Variants in IMMP2L observed in about 807,000 individuals in gnomAD.
IMMP2L encodes mitochondrial inner membrane protease subunit 2.
IMMP2L carries 18 observed loss-of-function variants against 19.3 expected under a neutral mutation model. The observed-to-expected ratio is 0.93, with a 90% CI of 0.64 to 1.38. The LOEUF is 1.38. Ranked by LOEUF, IMMP2L falls within the 40% of genes most tolerant of loss-of-function variation. IMMP2L has a pLI of 0.00. For missense variants in IMMP2L, 233 were observed against 218.2 expected (o/e 1.07, Z -0.43); for synonymous variants, 76 against 73.0 (o/e 1.04, Z -0.21).
At chr7:110,746,770 T>C (rs1459244757) in intron 5 of IMMP2L, among the ~76,000 whole-genome samples, 2 of 152,138 alleles carry the variant, frequency 1.3e-5, no homozygotes, top group African/African-American at 2.4e-5. Context: ...GAGGGAAATT[T>C]ATAGCACTAA....
intron 3 of IMMP2L, among the ~76,000 whole-genome samples, chr7:111,025,799 C>G (rs994843856): frequency 1.3e-5 from 2 of 152,074 alleles, no homozygotes; most frequent in African/African-American, 4.8e-5. Context: ...GTATGAATAA[C>G]GAATCTCATT....
chr7:111,165,696 C>A (rs188902986), intron 3 of IMMP2L, among the ~76,000 whole-genome samples: 417 of 152,070 alleles, frequency 2.7e-3, no homozygotes, highest in Non-Finnish European at 5.3e-3. Context: ...AAGCCCTTGA[C>A]TGAAGCTGGG....
intron 5 of IMMP2L, among the ~76,000 whole-genome samples, chr7:110,849,955 A>G (rs1312887937): frequency 6.6e-6 from 1 of 152,096 alleles, no homozygotes; most frequent in Non-Finnish European, 1.5e-5. Context: ...GTCTTAGAGA[A>G]TGTTCATAAT....
At chr7:111,385,167 G>T (rs1831609919) in intron 3 of IMMP2L, among the ~76,000 whole-genome samples, 1 of 152,080 alleles carries the variant, frequency 6.6e-6, no homozygotes, top group South Asian at 2.1e-4. Flanking sequence ...TGGAGGTGGG[G>T]GGGCAAGGGT....
chr7:111,216,102 G>A (rs548918581), intron 3 of IMMP2L, among the ~76,000 whole-genome samples: 1 of 152,098 alleles, frequency 6.6e-6, no homozygotes, highest in South Asian at 2.1e-4. Context: ...ATTTGCCTTT[G>A]GATCATTCCA....
intron 3 of IMMP2L, among the ~76,000 whole-genome samples, chr7:111,386,180 C>T (rs1831734694): frequency 6.6e-6 from 1 of 152,012 alleles, no homozygotes; most frequent in African/African-American, 2.4e-5. Flanking sequence ...TCCCAGCCTG[C>T]TCCACATGAT....
At chr7:111,319,724 G>T (rs1318850581) in intron 3 of IMMP2L, among the ~76,000 whole-genome samples, 1 of 151,906 alleles carries the variant, frequency 6.6e-6, no homozygotes, top group African/African-American at 2.4e-5. Context: ...AGTTTTTTTA[G>T]AATGTTAGCA....
Position 110,718,604 on chromosome 7 carries a change from G to T in IMMP2L, c.409-54883C>A, listed in dbSNP as rs1258246223. Among the ~76,000 whole-genome samples, 3 of 152,190 alleles carry T rather than the reference G, an allele frequency of 2.0e-5. No homozygotes were observed. In the East Asian group the frequency reaches 5.8e-4, roughly 29 times the overall value. On this transcript the variant is annotated intron_variant, in intron 5 of 5. Transcript: ENST00000405709. ...GGGAGTTAAAAGCACTTGGAAGCTA[G>T]CCTGGGAGGAGGTTGGCAATCGTTT...
intron 3 of IMMP2L, among the ~76,000 whole-genome samples, chr7:111,284,136 C>T (rs569484147): frequency 2.0e-4 from 31 of 151,692 alleles, no homozygotes; most frequent in African/African-American, 5.8e-4. Flanking sequence ...GCCACAGTTA[C>T]GGGCTCAATG....
At chr7:110,977,373 G>T (rs112243694) in intron 3 of IMMP2L, among the ~76,000 whole-genome samples, 153 of 152,052 alleles carry the variant, frequency 1.0e-3, no homozygotes, top group Non-Finnish European at 1.9e-3. Context: ...AAATATTACT[G>T]TAGAGGCCCC....
chr7:111,360,429 C>T (rs575365609), intron 3 of IMMP2L, among the ~76,000 whole-genome samples: 2 of 152,172 alleles, frequency 1.3e-5, no homozygotes, highest in East Asian at 3.9e-4. Flanking sequence ...ATACATACTC[C>T]AAATCAAATA....
chr7:111,333,157 G>T (rs1405852768), intron 3 of IMMP2L, among the ~76,000 whole-genome samples: 1 of 152,126 alleles, frequency 6.6e-6, no homozygotes, highest in East Asian at 1.9e-4. Flanking sequence ...AGAATGGGTA[G>T]TAGAAGAAGG....
chr7:110,773,009 T>C (rs750458319), intron 5 of IMMP2L, among the ~76,000 whole-genome samples: 8 of 151,968 alleles, frequency 5.3e-5, no homozygotes, highest in Non-Finnish European at 1.0e-4. Flanking sequence ...ATTACAAACA[T>C]GGATTTTTAA....
chr7:111,296,576 T>C (rs1821662084), intron 3 of IMMP2L, among the ~76,000 whole-genome samples: 1 of 151,784 alleles, frequency 6.6e-6, no homozygotes, highest in Non-Finnish European at 1.5e-5. Context: ...CTGGTAGGAA[T>C]ATAAAATGGT....
chr7:110,753,751 G>GGT (rs144037389), intron 5 of IMMP2L, among the ~76,000 whole-genome samples: 1 of 86,950 alleles, frequency 1.2e-5, no homozygotes, highest in East Asian at 2.5e-4. Flanking sequence ...GTGTGAGTGT[G>GGT]GGGTGTGTGT....
chr7:110,856,515 A>C (rs1806788503), intron 5 of IMMP2L, among the ~76,000 whole-genome samples: 2 of 152,068 alleles, frequency 1.3e-5, no homozygotes, highest in South Asian at 4.1e-4. Context: ...ACATTATTTT[A>C]TCTGATACAA....
chr7:111,406,527 C>T (rs973619651), intron 3 of IMMP2L, among the ~76,000 whole-genome samples: 1 of 152,032 alleles, frequency 6.6e-6, no homozygotes, highest in Non-Finnish European at 1.5e-5. Context: ...TTGTTATATT[C>T]TACCTTTCCT....
intron 3 of IMMP2L, among the ~76,000 whole-genome samples, chr7:111,440,763 G>A (rs554489713): frequency 6.6e-6 from 1 of 152,018 alleles, no homozygotes; most frequent in East Asian, 1.9e-4. Flanking sequence ...TCTGTAGCTA[G>A]AGAACTCCTA....
At chr7:110,959,404 C>T (rs2129555111) in intron 4 of IMMP2L, among the ~76,000 whole-genome samples, 1 of 151,870 alleles carries the variant, frequency 6.6e-6, no homozygotes. Flanking sequence ...TATACTCTGG[C>T]ATTTTAAAAA....
Sources: gnomAD v4.1 joint callset for allele counts (sites outside exome capture counted in the v4.1 genomes callset) on GRCh38, gnomAD v4.1.1 for gene constraint, MANE v1.5 for transcripts, NCBI Gene and HGNC (gene_info 2026-07-23, HGNC 2026-07-21) for gene names.